ANKRD11: variants seen among roughly 807,000 people sequenced by gnomAD.
The protein encoded by ANKRD11 is ankyrin repeat domain 11, also known as ankyrin repeat domain-containing protein 11.
A neutral mutation model predicts 195.7 loss-of-function variants in ANKRD11; 17 were observed. The observed-to-expected ratio is 0.09, with a 90% CI of 0.06 to 0.13. ANKRD11 has a LOEUF of 0.13. Ranked by LOEUF, ANKRD11 falls within the 10% of genes least tolerant of loss-of-function variation. ANKRD11 has a pLI of 1.00. For missense variants in ANKRD11, 3,735 were observed against 3,566.1 expected, an observed-to-expected ratio of 1.05 and a Z score of -1.21; for synonymous variants, 1,953 against 1,528.1, an observed-to-expected ratio of 1.28 and a Z score of -6.49.
At chr16:89,304,585 T>A (rs2036059454) in intron 4 of ANKRD11, among the ~76,000 whole-genome samples, 1 of 134,180 alleles carries the variant, frequency 7.5e-6, no homozygotes, top group Admixed American at 7.3e-5. Context: ...TACATACAAG[T>A]ACATACACAC....
At chr16:89,466,064 G>A (rs1172623800) in intron 1 of ANKRD11, among the ~76,000 whole-genome samples, 1 of 152,116 alleles carries the variant, frequency 6.6e-6, no homozygotes, top group Non-Finnish European at 1.5e-5. Context: ...ACCAGTAAAA[G>A]GAGATTGTGT....
intron 2 of ANKRD11, among the ~76,000 whole-genome samples, chr16:89,351,267 C>T (rs993422432): frequency 2.3e-4 from 35 of 152,128 alleles, no homozygotes; most frequent in African/African-American, 4.1e-4. Context: ...CATCACCCCA[C>T]GCCCACAGGC....
chr16:89,380,718 G>T (rs934700240), intron 2 of ANKRD11, among the ~76,000 whole-genome samples: 2 of 152,242 alleles, frequency 1.3e-5, no homozygotes, highest in African/African-American at 4.8e-5. Flanking sequence ...GCTTTCCAGG[G>T]AAGAGAAGTG....
At chr16:89,402,100 T>C (rs2041717015) in intron 2 of ANKRD11, among the ~76,000 whole-genome samples, 3 of 152,196 alleles carry the variant, frequency 2.0e-5, no homozygotes. Flanking sequence ...TCTCTGTCCA[T>C]GGACCTCTTT....
At chr16:89,477,058 A>C (rs1047304625) in intron 1 of ANKRD11, among the ~76,000 whole-genome samples, 3 of 152,372 alleles carry the variant, frequency 2.0e-5, no homozygotes, top group South Asian at 4.1e-4. Context: ...AGTAAGAAAC[A>C]GAGAAAAAGG....
At chr16:89,296,695 A>C (rs1015228119) in intron 4 of ANKRD11, among the ~76,000 whole-genome samples, 1 of 152,130 alleles carries the variant, frequency 6.6e-6, no homozygotes, top group Non-Finnish European at 1.5e-5. Context: ...TTCTTCCTCA[A>C]CGTCTTGTAA....
chr16:89,413,636 T>C (rs1160761282), intron 2 of ANKRD11, among the ~76,000 whole-genome samples: 1 of 151,534 alleles, frequency 6.6e-6, no homozygotes, highest in African/African-American at 2.4e-5. Flanking sequence ...AAGAAAAAAA[T>C]AAAGGAAATG....
intron 9 of ANKRD11, chr16:89,278,380 A>G (rs1406676627): frequency 7.9e-6 from 3 of 380,666 alleles, no homozygotes; most frequent in Non-Finnish European, 1.6e-5. Flanking sequence ...GGCAGCCCTC[A>G]TGGGAATGTG....
chr16:89,300,634 T>TC, intron 4 of ANKRD11: 2 of 496,094 alleles, frequency 4.0e-6, no homozygotes, highest in Non-Finnish European at 7.1e-6. Context: ...AAGTCTGTCT[T>TC]CCCTCCAGGA....
chr16:89,279,775 T>G lies in ANKRD11; in HGVS notation c.6767A>C (p.Gln2256Pro). 6.5e-7 allele frequency: 1 copy of G among 1,529,560 alleles called. No homozygotes were observed. Among genetic ancestry groups the G allele is most frequent in the Non-Finnish European group, 8.8e-7 (1 of 1,141,706 alleles). 94.7% of individuals were successfully genotyped at this position (1,529,560 alleles called of 1,614,324 possible). The change falls in exon 9 of 13, where the codon CAG (glutamine) becomes CCG (proline). Residue 2256 changes from glutamine to proline, a missense_variant. Gln to Pro is a moderately conservative substitution (Grantham distance 76). Coordinates refer to ENST00000301030, the MANE Select transcript of ANKRD11 (RefSeq NM_013275.6). This position sits in a 1 kb window ranked among gnomAD's most constrained non-coding sequence, Gnocchi z 5.6. ...GGGGGGGCCTTCAGCCTCAGCCCCCTGGTCTCCGCTCCCCAGTGGGCGCTG... is the reference window on the plus strand; with the variant it reads ...GGGGGGGCCTTCAGCCTCAGCCCCCGGGTCTCCGCTCCCCAGTGGGCGCTG... ...PEQRPLGSGDQGAEAEGPPAA... is the reference protein window; with the variant it reads ...PEQRPLGSGDPGAEAEGPPAA...
chr16:89,438,729 A>G (rs901787474), intron 1 of ANKRD11, among the ~76,000 whole-genome samples: 20 of 152,294 alleles, frequency 1.3e-4, no homozygotes, highest in South Asian at 1.0e-3. Context: ...AAGCTAAAGT[A>G]TTCAAATCTC....
chr16:89,279,721 G>C lies in ANKRD11; in HGVS notation c.6821C>G (p.Pro2274Arg), dbSNP rs1325611711. ...AGCTTGTGCCACAGTGTTCGGGGCG[G>C]GGCCGTCAGGGGCACAGAGGGACGC... The part of the protein sequence containing the change: ...PAASLCAPDG[P>R]APNTVAQAQA... The change falls in exon 9 of 13, where the codon CCC becomes CGC. Residue 2274 changes from proline to arginine, a missense_variant. By Grantham distance (103) the Pro-to-Arg change is moderately radical. Transcript: ENST00000301030. This position sits in a 1 kb window ranked among gnomAD's most constrained non-coding sequence, Gnocchi z 5.6. 25 of 1,535,238 alleles carry C rather than the reference G, an allele frequency of 1.6e-5. No individual in the cohort carries two copies. Among genetic ancestry groups the C allele is most frequent in the Admixed American group, 3.9e-5 (2 of 51,626 alleles).
chr16:89,280,612 G>A lies in ANKRD11; in HGVS notation c.5930C>T (p.Ser1977Leu), dbSNP rs867065526. The A allele has an allele frequency of 2.5e-6, 4 of 1,613,366 alleles. No individual in the cohort carries two copies. In the Admixed American group the frequency reaches 6.7e-5, roughly 27 times the overall value. ...SENPVSWPVG[S>L]DLLLKSPQRF... ...CTGTGGAGACTTCAGCAGGAGGTCC[G>A]AGCCCACAGGCCAGCTCACAGGGTT... The change falls in exon 9 of 13, where the codon TCG (serine) becomes TTG (leucine). Residue 1977 changes from serine to leucine, a missense_variant. Transcript: ENST00000301030.
At chr16:89,275,803 A>G in intron 9 of ANKRD11, among the ~76,000 whole-genome samples, 1 of 152,144 alleles carries the variant, frequency 6.6e-6, no homozygotes, top group Non-Finnish European at 1.5e-5. Flanking sequence ...TTCTGAAACT[A>G]CATGCATGCT....
chr16:89,281,663 C>A lies in ANKRD11; in HGVS notation c.4879G>T (p.Ala1627Ser). 1 of 1,614,168 alleles carries A rather than the reference C, an allele frequency of 6.2e-7. No individual in the cohort carries two copies. The highest frequency in any genetic ancestry group is 8.5e-7 in the Non-Finnish European group (1 of 1,180,024). ...AGACCCTTCTTCCGCCCGTCGTCTG[C>A]CGGCTTCGCCTTCTCCTTGAGCTTG... ...DPKLKEKAKP[A>S]DDGRKKGLDI... Residue 1627 changes from alanine (A) to serine (S), a missense_variant, in exon 9 of 13, where the codon GCA becomes TCA. Transcript: ENST00000301030. The surrounding 1 kb of genome is among the most constrained non-coding windows in gnomAD (Gnocchi z 5.5).
At chr16:89,270,785 C>T in intron 12 of ANKRD11, 32 bp downstream of exon 12, 2 of 1,603,782 alleles carry the variant, frequency 1.2e-6, no homozygotes, top group Non-Finnish European at 1.7e-6. Flanking sequence ...CAGCCTCCCC[C>T]AGGCAGAACT....
In ANKRD11 at chr16:89,291,200, G is replaced by A. The variant is rs1567593618; in HGVS notation, c.227-17C>T. ...CCTGCTTCTCTGTGAGGCGGGCGAG[G>A]GAGAGAGGGAGGAGAGATTTCATGC... is the stretch of plus-strand genomic sequence containing the variant. On this transcript the variant is annotated splice_polypyrimidine_tract_variant and intron_variant, in intron 4 of 12. Transcript: ENST00000301030. The surrounding 1 kb of genome is among the most constrained non-coding windows in gnomAD (Gnocchi z 5.3). 1.2e-6 allele frequency: 2 copies of A among 1,612,228 alleles called. No individual in the cohort carries two copies. The highest frequency in any genetic ancestry group is 2.2e-5 in the East Asian group (1 of 44,886).
chr16:89,269,853 C>T (rs2032982427), intron 12 of ANKRD11: 1 of 152,214 alleles, frequency 6.6e-6, no homozygotes, highest in Non-Finnish European at 1.5e-5. Context: ...ACCTCAGCCT[C>T]CCGAAGTGCT....
At chr16:89,366,008 G>A (rs989006941) in intron 2 of ANKRD11, among the ~76,000 whole-genome samples, 3 of 151,848 alleles carry the variant, frequency 2.0e-5, no homozygotes, top group Non-Finnish European at 4.4e-5. Context: ...AGGGCCTCCA[G>A]GCTCTATCCA....
Sources: allele counts gnomAD v4.1 joint callset (sites outside exome capture counted in the v4.1 genomes callset), GRCh38; gene constraint gnomAD v4.1.1; non-coding constraint Gnocchi (gnomAD v3.1); transcripts MANE v1.5; gene names NCBI Gene and HGNC (gene_info 2026-07-23, HGNC 2026-07-21).